REN: variants seen among roughly 807,000 people sequenced by gnomAD.
REN encodes renin, also known as angiotensin-forming enzyme.
A neutral mutation model predicts 48.6 loss-of-function variants in REN; 42 were observed. The observed-to-expected ratio is 0.86, with a 90% CI of 0.68 to 1.12. The LOEUF (loss-of-function observed/expected upper bound fraction) is 1.12. Among genes scored for constraint, REN ranks in the 50% most tolerant of loss-of-function variants. The probability of loss-of-function intolerance (pLI) is 0.00; values close to 1 mark genes in which losing one functional copy is unlikely to be tolerated. For synonymous variants in REN, 196 were observed against 204.6 expected, an observed-to-expected ratio of 0.96 and a Z score of 0.36; for missense variants, 443 against 527.3, an observed-to-expected ratio of 0.84 and a Z score of 1.57.
Position 204,159,426 on chromosome 1 carries a change from T to A in REN, c.662A>T (p.Glu221Val). The A allele has an allele frequency of 6.2e-7, 1 of 1,614,058 alleles. No homozygotes were observed. Reference protein sequence around the residue: ...DNIISQGVLKEDVFSFYYNRD... With the variant: ...DNIISQGVLKVDVFSFYYNRD... ...GTTGTAGTAGAAAGAGAAGACGTCC[T>A]CTTTTAGCACCCCTTGGGAGATGAT... Residue 221 changes from glutamate to valine, a missense_variant, in exon 5 of 10, where the codon GAG becomes GTG. Transcript: ENST00000272190.
chr1:204,158,296 C>T (rs2102312103), intron 5 of REN, among the ~76,000 whole-genome samples: 1 of 152,304 alleles, frequency 6.6e-6, no homozygotes, highest in South Asian at 2.1e-4. Flanking sequence ...TTCTCAAGGC[C>T]TCACTTTCTA....
At chr1:204,162,223 A>AG in intron 1 of REN, 60 bp from the exon 2 acceptor site, 1 of 1,592,542 alleles carries the variant, frequency 6.3e-7, no homozygotes, top group Non-Finnish European at 8.6e-7. Context: ...ACAGTGGTGG[A>AG]GTCCCTGAGG....
intron 4 of REN, among the ~76,000 whole-genome samples, 180 bp from the exon 5 acceptor site, chr1:204,159,775 G>A (rs551194103): frequency 5.9e-5 from 9 of 152,272 alleles, no homozygotes; most frequent in East Asian, 5.8e-4. Context: ...TCTCTGCTGC[G>A]GAGCCCAGAG....
At chr1:204,159,811 A>C (rs1246182952) in intron 4 of REN, among the ~76,000 whole-genome samples, 1 of 152,190 alleles carries the variant, frequency 6.6e-6, no homozygotes, top group Non-Finnish European at 1.5e-5. Context: ...CAGGGATCGG[A>C]GAGCAGAGGC....
chr1:204,165,019 T>G (rs1051426269), intron 1 of REN, among the ~76,000 whole-genome samples: 5 of 152,038 alleles, frequency 3.3e-5, no homozygotes, highest in African/African-American at 1.2e-4. Context: ...TTGACCAGGC[T>G]GGAGTGCAAT....
intron 5 of REN, among the ~76,000 whole-genome samples, chr1:204,158,074 C>A (rs1438141537): frequency 6.6e-6 from 1 of 152,008 alleles, no homozygotes; most frequent in Non-Finnish European, 1.5e-5. Flanking sequence ...AAACACCCAC[C>A]CTTCCTCTTC....
At chr1:204,165,877 C>G (rs955315167) in intron 1 of REN, among the ~76,000 whole-genome samples, 5 of 152,174 alleles carry the variant, frequency 3.3e-5, no homozygotes, top group Non-Finnish European at 5.9e-5. Context: ...CAGGAGCCAC[C>G]GCGCCCAACC....
intron 4 of REN, 95 bp from the exon 5 acceptor site, chr1:204,159,690 C>T (rs1658209785): frequency 9.5e-7 from 1 of 1,047,630 alleles, no homozygotes. Flanking sequence ...CAGGGGCACA[C>T]ATGCTCCAGG....
In REN at chr1:204,156,031, C is replaced by A; in HGVS notation, c.961-113G>T. ...CTGGAGAGGGCTGGGGACAGTGCCC[C>A]GCCCCATGGGTGACCAGCCACATGT... On this transcript the variant is annotated intron_variant, in intron 8 of 9. Coordinates refer to ENST00000272190, the MANE Select transcript of REN (RefSeq NM_000537.4). This position sits in a 1 kb window ranked among gnomAD's most constrained non-coding sequence, Gnocchi z 4.2. The A allele has an allele frequency of 6.9e-7, 1 of 1,440,798 alleles. No individual in the cohort carries two copies. 89.3% of individuals were successfully genotyped at this position (1,440,798 alleles called of 1,614,324 possible).
rs1658162165 is a variant in REN at position 204,156,989 on chromosome 1, C to T, written c.699-193G>A. On this transcript the variant is annotated intron_variant, in intron 6 of 9. Coordinates refer to ENST00000272190, the MANE Select transcript of REN (RefSeq NM_000537.4). The surrounding 1 kb of genome is among the most constrained non-coding windows in gnomAD (Gnocchi z 4.2). ...CATACTGCTTCTCTGCCTTTCTTCC[C>T]CTCCCCAAGACCAACCAGAGGTTGT... is the stretch of plus-strand genomic sequence containing the variant. 6.6e-6 allele frequency among the ~76,000 whole-genome samples: 1 copy of T among 152,156 alleles called. No homozygotes were observed. Among genetic ancestry groups the T allele is most frequent in the African/African-American group, 2.4e-5 (1 of 41,430 alleles).
At chr1:204,160,784 G>A in intron 3 of REN, 106 bp from the exon 4 acceptor site, 2 of 831,842 alleles carry the variant, frequency 2.4e-6, no homozygotes, top group African/African-American at 3.3e-5. Context: ...GTGCAGGGAT[G>A]AGTGGCCCTA....
At position 204,162,463 on chromosome 1, in the gene REN, G is replaced by A. The variant is rs189008642; in HGVS notation, c.99-300C>T. On this transcript the variant is annotated intron_variant, in intron 1 of 9. Transcript: ENST00000272190. ...ATTGGTCCGTTCATTCATTTATTCC[G>A]TAATCACCTGCTGAACAACTACTTT... is the stretch of plus-strand genomic sequence containing the variant. Among the ~76,000 whole-genome samples, 215 of 152,270 alleles carry A rather than the reference G, an allele frequency of 1.4e-3. 3 individuals carry two copies. The highest frequency in any genetic ancestry group is 5.1e-3 in the African/African-American group (210 of 41,552).
At position 204,159,640 on chromosome 1, in the gene REN, C is replaced by T. The variant is rs373517575; in HGVS notation, c.493-45G>A. On this transcript the variant is annotated intron_variant, in intron 4 of 9. Transcript: ENST00000272190. ...AGGAGACCAAGCCCACTGCCCACTC[C>T]TTGGTTGGAGTCTGGTCTGGGCTTC... The T allele has an allele frequency of 1.8e-5, 28 of 1,584,414 alleles. No individual in the cohort carries two copies. The African/African-American group carries it at 3.4e-4, about 19-fold the overall frequency.
intron 5 of REN, among the ~76,000 whole-genome samples, chr1:204,158,097 T>C (rs1658179778): frequency 7.1e-6 from 1 of 139,880 alleles, no homozygotes; most frequent in African/African-American, 2.7e-5. Flanking sequence ...CTTCTGGATC[T>C]CACCCCCCAC....
Position 204,154,861 on chromosome 1 carries a change from A to AT in REN, c.*154_*155insA, listed in dbSNP as rs1488107717. 2 of 794,872 alleles carry AT rather than the reference A, an allele frequency of 2.5e-6. No individual in the cohort carries two copies. The highest frequency in any genetic ancestry group is 5.3e-5 in the East Asian group (2 of 37,496). The allele number at this position is 794,872 out of a possible 1,614,324, so 49.2% of individuals were successfully genotyped here. A position where few individuals can be genotyped will look rare whatever the true frequency, so the allele number is the denominator to read the frequency against. On this transcript the variant is annotated 3_prime_UTR_variant, in exon 10 of 10. Transcript: ENST00000272190. ...TATTCTCTTTGTCCTCAAAGCAGGGAAGGGCTGGTGCAGGGGTCAGGGCAC... is the reference window on the plus strand; with the variant it reads ...TATTCTCTTTGTCCTCAAAGCAGGGATAGGGCTGGTGCAGGGGTCAGGGCAC...
Position 204,162,124 on chromosome 1 carries a change from C to A in REN, c.138G>T (p.Leu46=). Reference sequence around the variant, plus strand: ...TGGCCATGTCCACACCTCGTTCCTTCAGGCTTTCTCGGATTGAGGGCATTC... The same window carrying A: ...TGGCCATGTCCACACCTCGTTCCTTAAGGCTTTCTCGGATTGAGGGCATTC... ...LKRMPSIRES[L]KERGVDMARL... Residue 46 remains leucine (L), a synonymous_variant, in exon 2 of 10, where the codon CTG becomes CTT. Coordinates refer to ENST00000272190, the MANE Select transcript of REN (RefSeq NM_000537.4). 1 of 1,614,182 alleles carries A rather than the reference C, an allele frequency of 6.2e-7. No homozygotes were observed. The highest frequency in any genetic ancestry group is 8.5e-7 in the Non-Finnish European group (1 of 1,180,040).
Position 204,166,187 on chromosome 1 carries a change from A to G in REN, c.98+9T>C. The G allele has an allele frequency of 1.2e-6, 2 of 1,613,018 alleles. No homozygotes were observed. The highest frequency in any genetic ancestry group is 1.7e-6 in the Non-Finnish European group (2 of 1,179,024). The stretch of plus-strand genomic sequence containing the variant: ...CTCCCACCCCTTCTCTGCCTGAGTT[A>G]CCAATTACCGTTTAAAGGTGGTGGT... On this transcript the variant is annotated intron_variant, in intron 1 of 9. Coordinates refer to ENST00000272190, the MANE Select transcript of REN (RefSeq NM_000537.4).
At chr1:204,161,467 G>C in intron 2 of REN, 52 bp from the exon 3 acceptor site, 4 of 1,412,702 alleles carry the variant, frequency 2.8e-6, no homozygotes, top group Middle Eastern at 3.8e-4. Flanking sequence ...CTTGGGTCTT[G>C]GGGTCTTGCC....
At chr1:204,160,271 A>T (rs1033858046) in intron 4 of REN, among the ~76,000 whole-genome samples, 2 of 152,228 alleles carry the variant, frequency 1.3e-5, no homozygotes, top group Admixed American at 6.5e-5. Context: ...GTGAACTTGG[A>T]CGAGTTACTT....
Sources: gnomAD v4.1 joint callset for allele counts (sites outside exome capture counted in the v4.1 genomes callset) on GRCh38, gnomAD v4.1.1 for gene constraint, Gnocchi (gnomAD v3.1) non-coding constraint, MANE v1.5 for transcripts, NCBI Gene and HGNC (gene_info 2026-07-23, HGNC 2026-07-21) for gene names.